Variants in AHI1 observed in about 807,000 individuals in gnomAD.
AHI1 encodes the protein Abelson helper integration site 1.
Under a neutral mutation model 149.3 loss-of-function variants are expected in AHI1, and 123 were observed. That is an observed-to-expected ratio of 0.82 (90% confidence interval 0.71 to 0.96). The LOEUF is 0.96. Ranked by LOEUF, AHI1 falls within the 40% of genes least tolerant of loss-of-function variation. The pLI, the probability that AHI1 is intolerant of heterozygous loss-of-function variation, is 0.00. For synonymous variants in AHI1, 475 were observed against 459.8 expected, an observed-to-expected ratio of 1.03 and a Z score of -0.42; for missense variants, 1,439 against 1,422.7, an observed-to-expected ratio of 1.01 and a Z score of -0.18.
chr6:135,357,245 T>C (rs1793136319), intron 24 of AHI1, among the ~76,000 whole-genome samples: 1 of 152,212 alleles, frequency 6.6e-6, no homozygotes, highest in Non-Finnish European at 1.5e-5. Context: ...CCATCTTTAT[T>C]TTCTTAATTG....
intron 28 of AHI1, among the ~76,000 whole-genome samples, chr6:135,290,166 G>T (rs984016727): frequency 1.3e-5 from 2 of 151,918 alleles, no homozygotes. Flanking sequence ...TTAAATTCCA[G>T]CTTCTAAAGA....
In AHI1 at chr6:135,467,215, G is replaced by A. The variant is rs570405507; in HGVS notation, c.189+366C>T. Among the ~76,000 whole-genome samples, 464 of 152,214 alleles carry A rather than the reference G, an allele frequency of 3.0e-3. 3 individuals are homozygous for A. The highest frequency in any genetic ancestry group is 3.9e-3 in the Non-Finnish European group (267 of 68,006). ...TAAAAACAACTAACAAGGAAGAGAA[G>A]AGAGATTCTCAAATGTAAAGATGGC... On this transcript the variant is annotated intron_variant, in intron 6 of 28. Transcript: ENST00000265602.
At chr6:135,410,677 C>T (rs1300176480) in intron 21 of AHI1, among the ~76,000 whole-genome samples, 1 of 152,140 alleles carries the variant, frequency 6.6e-6, no homozygotes, top group East Asian at 1.9e-4. Context: ...TTTTGATTTT[C>T]TTTAAATTCA....
intron 22 of AHI1, among the ~76,000 whole-genome samples, chr6:135,403,930 T>TCCTCCCTCCCTAACATGCC (rs1386991916): frequency 2.0e-5 from 3 of 151,834 alleles, no homozygotes; most frequent in African/African-American, 7.3e-5. Flanking sequence ...TCTGACATGT[T>TCCTCCCTCCCTAACATGCC]CCTCCCTCCC....
At chr6:135,467,943 G>A (rs917653171) in intron 5 of AHI1, among the ~76,000 whole-genome samples, 3 of 152,026 alleles carry the variant, frequency 2.0e-5, no homozygotes, top group Non-Finnish European at 4.4e-5. Flanking sequence ...GCTACAAGAT[G>A]AATCTAAAAT....
At chr6:135,322,509 G>A (rs776459806) in intron 25 of AHI1, among the ~76,000 whole-genome samples, 15 of 150,950 alleles carry the variant, frequency 9.9e-5, no homozygotes, top group Non-Finnish European at 1.6e-4. Context: ...ATTATTTAAT[G>A]AACAAAAACC....
intron 23 of AHI1, among the ~76,000 whole-genome samples, chr6:135,372,327 A>G (rs113489602): frequency 0.012 from 1,799 of 152,258 alleles, 36 homozygotes; most frequent in African/African-American, 0.04. Context: ...TGATGACAAT[A>G]GAAGAATTAG....
chr6:135,309,543 C>G (rs1195102805), intron 26 of AHI1, among the ~76,000 whole-genome samples: 3 of 149,578 alleles, frequency 2.0e-5, no homozygotes, highest in African/African-American at 7.4e-5. Context: ...AGTGCAATGG[C>G]GTGATCTCAG....
rs1790733611 is a variant in AHI1 at position 135,466,230 on chromosome 6, AGGAT to A, written c.329_332del (p.Asn110IlefsTer7). Reference sequence around the variant, plus strand: ...CTTCCTCTACACTAGCATCACCATTAGGATTTTCAGTTGCTAACTGTGTGTTCCT... The same window carrying A: ...CTTCCTCTACACTAGCATCACCATTATTTCAGTTGCTAACTGTGTGTTCCT... On this transcript the variant is annotated frameshift_variant, in exon 7 of 29. Coordinates refer to ENST00000265602, the MANE Select transcript of AHI1 (RefSeq NM_001134831.2). LOFTEE classifies it high-confidence loss of function. 1.2e-6 allele frequency: 2 copies of A among 1,613,922 alleles called. No homozygotes were observed. The highest frequency in any genetic ancestry group is 1.7e-6 in the Non-Finnish European group (2 of 1,179,864).
At chr6:135,290,627 T>C (rs1782227027) in intron 27 of AHI1, 102 bp from the exon 28 acceptor site, 1 of 1,087,080 alleles carries the variant, frequency 9.2e-7, no homozygotes, top group Non-Finnish European at 1.4e-6. Context: ...GAAACAAAAA[T>C]GGGGATAAAT....
chr6:135,437,627 G>C (rs1286958625), intron 15 of AHI1, among the ~76,000 whole-genome samples: 3 of 152,194 alleles, frequency 2.0e-5, no homozygotes, highest in Non-Finnish European at 4.4e-5. Context: ...AGAGTAGAAG[G>C]CAGAAGTAAA....
rs551358714 is a variant in AHI1, at chr6:135,341,413, A to C, written c.3165+16719T>G. On this transcript the variant is annotated intron_variant, in intron 24 of 28. Coordinates refer to ENST00000265602, the MANE Select transcript of AHI1 (RefSeq NM_001134831.2). ...AACCAATCAGGAAGACTTAAAAAGTATAAACATATAAGTACATGATACAGT... is the reference window on the plus strand; with the variant it reads ...AACCAATCAGGAAGACTTAAAAAGTCTAAACATATAAGTACATGATACAGT... Among the ~76,000 whole-genome samples the C allele has an allele frequency of 1.9e-3, 282 of 152,162 alleles. 1 individual carries two copies. The highest frequency in any genetic ancestry group is 6.6e-3 in the African/African-American group (274 of 41,566).
intron 9 of AHI1, among the ~76,000 whole-genome samples, chr6:135,456,916 A>G (rs1157276170): frequency 6.6e-6 from 1 of 152,234 alleles, no homozygotes; most frequent in African/African-American, 2.4e-5. Context: ...AATATTTACA[A>G]TGCAACTTTA....
intron 22 of AHI1, among the ~76,000 whole-genome samples, chr6:135,398,954 C>A (rs1488093283): frequency 6.6e-6 from 1 of 152,098 alleles, no homozygotes; most frequent in Non-Finnish European, 1.5e-5. Flanking sequence ...GAGGCTGAGG[C>A]AGGAGGATCA....
At chr6:135,315,815 G>A (rs1785861895) in intron 26 of AHI1, among the ~76,000 whole-genome samples, 1 of 152,134 alleles carries the variant, frequency 6.6e-6, no homozygotes, top group Admixed American at 6.5e-5. Flanking sequence ...AATGAACCTT[G>A]CTTTTTGTTT....
At chr6:135,300,647 C>G (rs1283605694) in intron 26 of AHI1, 89 bp from the exon 27 acceptor site, 5 of 1,536,876 alleles carry the variant, frequency 3.3e-6, no homozygotes, top group Non-Finnish European at 4.4e-6. Context: ...CCACCAACTT[C>G]CTGAATGGGG....
At position 135,335,863 on chromosome 6, in the gene AHI1, G is replaced by A. The variant is rs927080923; in HGVS notation, c.3166-12539C>T. 4.0e-5 allele frequency among the ~76,000 whole-genome samples: 6 copies of A among 151,876 alleles called. No individual in the cohort carries two copies. In the East Asian group the frequency reaches 5.8e-4, roughly 15 times the overall value. On this transcript the variant is annotated intron_variant, in intron 24 of 28. Transcript: ENST00000265602. Reference sequence around the variant, plus strand: ...AAACAGGACCGGCGTGGTGGCTCACGCCTGTAATCCCAACCTAGGTGGGTG... The same window carrying A: ...AAACAGGACCGGCGTGGTGGCTCACACCTGTAATCCCAACCTAGGTGGGTG...
At chr6:135,316,031 T>C (rs759768367) in intron 26 of AHI1, among the ~76,000 whole-genome samples, 1 of 142,704 alleles carries the variant, frequency 7.0e-6, no homozygotes, top group East Asian at 2.1e-4. Context: ...CCACCAGTAT[T>C]ATCCCCCACC....
intron 23 of AHI1, among the ~76,000 whole-genome samples, chr6:135,361,689 ACACACG>A (rs1286153146): frequency 2.0e-3 from 273 of 135,096 alleles, no homozygotes; most frequent in Non-Finnish European, 3.1e-3. Flanking sequence ...ACACACACAC[ACACACG>A]TGTGTATATT....
Sources: allele counts gnomAD v4.1 joint callset (sites outside exome capture counted in the v4.1 genomes callset), GRCh38; gene constraint gnomAD v4.1.1; transcripts MANE v1.5; gene names NCBI Gene and HGNC (gene_info 2026-07-23, HGNC 2026-07-21).